CTSH: variants seen among roughly 807,000 people sequenced by gnomAD.
The protein encoded by CTSH is pro-cathepsin H.
In CTSH, 52 loss-of-function variants were observed where a neutral mutation model predicts 56.3. The observed-to-expected ratio is 0.92, with a 90% CI of 0.74 to 1.16. The LOEUF is 1.16. CTSH is among the 50% of genes most tolerant of loss of function. CTSH has a pLI of 0.00. For synonymous variants in CTSH, 174 were observed against 155.7 expected (o/e 1.12, Z -0.88); for missense variants, 406 against 424.5 (o/e 0.96, Z 0.38).
chr15:78,927,845 A>G, intron 8 of CTSH, 64 bp from the exon 9 acceptor site: 1 of 1,348,636 alleles, frequency 7.4e-7, no homozygotes, highest in Non-Finnish European at 1.1e-6. Flanking sequence ...CTCCCCACGC[A>G]GTTCAATAAC....
intron 1 of CTSH, 151 bp downstream of exon 1, chr15:78,944,740 C>T (rs1001575596): frequency 7.5e-7 from 1 of 1,334,204 alleles, no homozygotes; most frequent in African/African-American, 1.5e-5. Context: ...GCAGTTTACC[C>T]CTCCCCGTGC....
intron 1 of CTSH, chr15:78,944,615 T>A: frequency 2.6e-6 from 1 of 383,592 alleles, no homozygotes; most frequent in Non-Finnish European, 4.6e-6. Flanking sequence ...AGCTGCGGGC[T>A]CCTTTGGTAT....
At chr15:78,925,254 C>T in intron 10 of CTSH, 80 bp downstream of exon 10, 1 of 902,616 alleles carries the variant, frequency 1.1e-6, no homozygotes, top group Non-Finnish European at 1.8e-6. Flanking sequence ...GCCACGAGCC[C>T]AAGTCCCACG....
Position 78,929,608 on chromosome 15 carries a change from T to A in CTSH, c.549-115A>T, listed in dbSNP as rs556784152. On this transcript the variant is annotated intron_variant, in intron 7 of 11. Coordinates refer to ENST00000220166, the MANE Select transcript of CTSH (RefSeq NM_004390.5). ...GGCAGGCTGGGGACTTGGTTGGGCA[T>A]GTCCCAGTGGCAGAGGGGGTCTCTG... 2.2e-5 allele frequency: 14 copies of A among 648,876 alleles called. No individual in the cohort carries two copies. The African/African-American group carries it at 2.2e-4, about 10-fold the overall frequency. The allele number at this position is 648,876 out of a possible 1,614,324, so 40.2% of individuals were successfully genotyped here.
At chr15:78,928,564 C>CA (rs869261525) in intron 8 of CTSH, among the ~76,000 whole-genome samples, 5,394 of 65,532 alleles carry the variant, frequency 0.082, 346 homozygotes, top group Middle Eastern at 0.14. Context: ...GACTCCGTCT[C>CA]AAAAAAAAAA....
intron 8 of CTSH, 133 bp downstream of exon 8, chr15:78,929,279 G>C: frequency 1.4e-6 from 1 of 736,798 alleles, no homozygotes; most frequent in Non-Finnish European, 2.4e-6. Flanking sequence ...GAAGAATTTG[G>C]AGAGAACAGA....
rs766370610 is a variant in CTSH, at chr15:78,935,037, A to AG, written c.345dup (p.Tyr116LeufsTer63). 5.0e-5 allele frequency: 80 copies of AG among 1,614,070 alleles called. No homozygotes were observed. The highest frequency in any genetic ancestry group is 6.6e-5 in the Non-Finnish European group (78 of 1,180,006). On this transcript the variant is annotated frameshift_variant, in exon 5 of 12. Coordinates refer to ENST00000220166, the MANE Select transcript of CTSH (RefSeq NM_004390.5). LOFTEE classifies it high-confidence loss of function. ...TTCCGCCAGTCCACGGAAGGTGGGT[A>AG]GGGACCAGTACCTCGAAGGTAGTTA... is the stretch of plus-strand genomic sequence containing the variant.
At chr15:78,929,354 G>T in intron 8 of CTSH, 58 bp downstream of exon 8, 1 of 1,302,346 alleles carries the variant, frequency 7.7e-7, no homozygotes. Context: ...GGCTGGGGAG[G>T]GAGTGAAGCT....
At chr15:78,927,561 C>CA in intron 9 of CTSH, 152 bp downstream of exon 9, 1 of 666,982 alleles carries the variant, frequency 1.5e-6, no homozygotes, top group Non-Finnish European at 2.6e-6. Flanking sequence ...TCGCCACCAT[C>CA]ACAGCGACTG....
chr15:78,942,399 G>T (rs1260123105), intron 1 of CTSH, among the ~76,000 whole-genome samples: 1 of 152,066 alleles, frequency 6.6e-6, no homozygotes, highest in African/African-American at 2.4e-5. Context: ...TTTTAGTAGA[G>T]ATGGGGTTTC....
intron 2 of CTSH, among the ~76,000 whole-genome samples, chr15:78,938,522 C>T (rs1484348479): frequency 6.6e-6 from 1 of 152,148 alleles, no homozygotes; most frequent in Non-Finnish European, 1.5e-5. Flanking sequence ...GTAATATTTG[C>T]CTTTCTATGC....
At chr15:78,943,889 G>A (rs1162794605) in intron 1 of CTSH, among the ~76,000 whole-genome samples, 2 of 152,218 alleles carry the variant, frequency 1.3e-5, no homozygotes, top group African/African-American at 4.8e-5. Context: ...TTCCTTAGGC[G>A]GGAACTGACC....
intron 1 of CTSH, among the ~76,000 whole-genome samples, chr15:78,941,588 C>T (rs918867094): frequency 1.6e-4 from 24 of 151,876 alleles, no homozygotes; most frequent in Admixed American, 1.1e-3. Flanking sequence ...TTCAGAAGAT[C>T]GAGACCATCC....
chr15:78,924,197 G>A (rs565900655), intron 10 of CTSH, among the ~76,000 whole-genome samples: 1 of 152,020 alleles, frequency 6.6e-6, no homozygotes, highest in Non-Finnish European at 1.5e-5. Flanking sequence ...GCTGGGGTGG[G>A]GGCTGCAGGG....
chr15:78,938,155 G>C (rs1364766581), intron 2 of CTSH, among the ~76,000 whole-genome samples: 5 of 152,106 alleles, frequency 3.3e-5, no homozygotes, highest in Non-Finnish European at 7.4e-5. Flanking sequence ...GATCACCTGA[G>C]GTCAGGAGTT....
At chr15:78,935,857 C>A in intron 3 of CTSH, 107 bp from the exon 4 acceptor site, 1 of 709,690 alleles carries the variant, frequency 1.4e-6, no homozygotes, top group Non-Finnish European at 2.4e-6. Context: ...GTATTTAGAA[C>A]CACTGCAACC....
At chr15:78,930,484 G>C (rs182161429) in intron 7 of CTSH, among the ~76,000 whole-genome samples, 1 of 151,856 alleles carries the variant, frequency 6.6e-6, no homozygotes, top group African/African-American at 2.4e-5. Flanking sequence ...CTGAGATCGC[G>C]CCACTGCACT....
chr15:78,939,779 C>T (rs546288542), intron 1 of CTSH, among the ~76,000 whole-genome samples: 6 of 152,242 alleles, frequency 3.9e-5, no homozygotes, highest in Admixed American at 1.3e-4. Flanking sequence ...CCCAGCTACT[C>T]GGGAGGCTGA....
At chr15:78,932,518 G>A in intron 5 of CTSH, 60 bp from the exon 6 acceptor site, 1 of 1,324,868 alleles carries the variant, frequency 7.5e-7, no homozygotes, top group Non-Finnish European at 1.1e-6. Context: ...AGACAGCCCT[G>A]CCTTCTGCCT....
Sources: gnomAD v4.1 joint callset for allele counts (sites outside exome capture counted in the v4.1 genomes callset) on GRCh38, gnomAD v4.1.1 for gene constraint, MANE v1.5 for transcripts, NCBI Gene and HGNC (gene_info 2026-07-23, HGNC 2026-07-21) for gene names.